ASB5: variants seen among roughly 807,000 people sequenced by gnomAD.
The protein encoded by ASB5 is ankyrin repeat and SOCS box protein 5.
A neutral mutation model predicts 42.1 loss-of-function variants in ASB5; 45 were observed. The ratio of observed to expected loss-of-function variants is 1.07; its 90% CI spans 0.84 to 1.37. The LOEUF (loss-of-function observed/expected upper bound fraction) is 1.37. Ranked by LOEUF, ASB5 falls within the 40% of genes most tolerant of loss-of-function variation. The pLI, the probability that ASB5 is intolerant of heterozygous loss-of-function variation, is 0.00. For synonymous variants in ASB5, 147 were observed against 150.6 expected (o/e 0.98, Z 0.18); for missense variants, 402 against 399.8 (o/e 1.01, Z -0.05).
intron 1 of ASB5, among the ~76,000 whole-genome samples, chr4:176,240,027 C>T (rs1753777177): frequency 6.6e-6 from 1 of 152,092 alleles, no homozygotes; most frequent in Admixed American, 6.5e-5. Flanking sequence ...AAAAGAAATG[C>T]ACAGTGAGTG....
intron 1 of ASB5, chr4:176,237,598 A>G (rs915575113): frequency 1.4e-4 from 135 of 984,204 alleles, no homozygotes; most frequent in Non-Finnish European, 1.6e-4. Flanking sequence ...AAACACTTGG[A>G]TCAGGGCTGG....
intron 1 of ASB5, among the ~76,000 whole-genome samples, chr4:176,276,272 T>C (rs577001641): frequency 6.6e-6 from 1 of 152,336 alleles, no homozygotes; most frequent in East Asian, 1.9e-4. Context: ...TACTTTGTTA[T>C]TTAAGTTAAA....
chr4:176,235,342 T>C (rs1489311289), intron 1 of ASB5, among the ~76,000 whole-genome samples: 1 of 152,188 alleles, frequency 6.6e-6, no homozygotes, highest in African/African-American at 2.4e-5. Flanking sequence ...TATTTCTAAG[T>C]ACAACCATTA....
chr4:176,265,337 T>C (rs34784242), intron 1 of ASB5, among the ~76,000 whole-genome samples: 28,038 of 152,120 alleles, frequency 0.18, 3,384 homozygotes, highest in Middle Eastern at 0.33. Flanking sequence ...TCTCTGAAAG[T>C]ACAGATTAGA....
At chr4:176,252,683 G>C (rs543110578) in intron 1 of ASB5, among the ~76,000 whole-genome samples, 1 of 152,336 alleles carries the variant, frequency 6.6e-6, no homozygotes, top group South Asian at 2.1e-4. Context: ...GACTCTGAAA[G>C]ACAGATTGCA....
chr4:176,273,306 A>C (rs1274827946), upstream of ASB5, among the ~76,000 whole-genome samples: 3 of 152,214 alleles, frequency 2.0e-5, no homozygotes, highest in African/African-American at 7.2e-5. Context: ...CAAACTAAGA[A>C]AAGTCATATA....
chr4:176,216,340 A>C (rs889954592), intron 6 of ASB5, among the ~76,000 whole-genome samples: 7 of 152,120 alleles, frequency 4.6e-5, no homozygotes, highest in East Asian at 1.9e-4. Flanking sequence ...TGAAAGAGAA[A>C]ATTAAAATTA....
chr4:176,266,079 G>A (rs938679590), intron 1 of ASB5, among the ~76,000 whole-genome samples: 1 of 152,064 alleles, frequency 6.6e-6, no homozygotes, highest in Non-Finnish European at 1.5e-5. Context: ...TTGGTCTCAA[G>A]TCTGATAGGA....
chr4:176,250,732 G>A (rs1224195786), intron 1 of ASB5, among the ~76,000 whole-genome samples: 1 of 152,146 alleles, frequency 6.6e-6, no homozygotes, highest in African/African-American at 2.4e-5. Context: ...AACGCCACGT[G>A]CGAACAAATC....
At chr4:176,245,918 G>A (rs566630175) in intron 1 of ASB5, among the ~76,000 whole-genome samples, 1 of 151,944 alleles carries the variant, frequency 6.6e-6, no homozygotes, top group South Asian at 2.1e-4. Context: ...ACTGGGGGAG[G>A]GATAACATTA....
intron 1 of ASB5, among the ~76,000 whole-genome samples, chr4:176,228,130 G>T (rs372484562): frequency 6.6e-6 from 1 of 152,216 alleles, no homozygotes; most frequent in Non-Finnish European, 1.5e-5. Flanking sequence ...TTTTAATTTA[G>T]TGGGATGAAA....
At chr4:176,258,500 C>G (rs1193983517) in intron 1 of ASB5, among the ~76,000 whole-genome samples, 1 of 152,140 alleles carries the variant, frequency 6.6e-6, no homozygotes, top group Non-Finnish European at 1.5e-5. Flanking sequence ...GACCAAGTGA[C>G]TTTGGTCTAG....
chr4:176,251,591 A>AT (rs1172707002), intron 1 of ASB5, among the ~76,000 whole-genome samples: 1 of 135,974 alleles, frequency 7.4e-6, no homozygotes, highest in Non-Finnish European at 1.6e-5. Context: ...AAAAAAAAAA[A>AT]ATTGTTTGAA....
intron 1 of ASB5, among the ~76,000 whole-genome samples, chr4:176,246,289 C>T (rs984982975): frequency 1.3e-5 from 2 of 152,072 alleles, no homozygotes; most frequent in African/African-American, 4.8e-5. Context: ...AAGAATGATG[C>T]TATTCGATGA....
intron 5 of ASB5, among the ~76,000 whole-genome samples, chr4:176,220,032 C>A (rs1753158571): frequency 6.6e-6 from 1 of 152,064 alleles, no homozygotes; most frequent in South Asian, 2.1e-4. Context: ...TGAGCTAAAA[C>A]AAACAAACAA....
intron 1 of ASB5, among the ~76,000 whole-genome samples, chr4:176,244,908 A>G (rs904280641): frequency 2.6e-5 from 4 of 152,080 alleles, no homozygotes; most frequent in African/African-American, 9.7e-5. Flanking sequence ...GGCTGCAGTG[A>G]GCTATGATTG....
chr4:176,258,386 A>G (rs949969721), intron 1 of ASB5, among the ~76,000 whole-genome samples: 2 of 152,166 alleles, frequency 1.3e-5, no homozygotes, highest in Admixed American at 6.5e-5. Flanking sequence ...TAACCTCCAT[A>G]TTCTCTTTTT....
upstream of ASB5, among the ~76,000 whole-genome samples, chr4:176,272,287 G>A (rs544692650): frequency 4.6e-5 from 7 of 152,126 alleles, no homozygotes; most frequent in South Asian, 2.1e-4. Flanking sequence ...AAGTAATTGC[G>A]GTTTTTGCAA....
chr4:176,260,891 G>T (rs1560820848), intron 1 of ASB5, among the ~76,000 whole-genome samples: 1 of 152,060 alleles, frequency 6.6e-6, no homozygotes, highest in South Asian at 2.1e-4. Flanking sequence ...TGGCCAAGAT[G>T]GTCTCAATCT....
Sources: gnomAD v4.1 joint callset for allele counts (sites outside exome capture counted in the v4.1 genomes callset) on GRCh38, gnomAD v4.1.1 for gene constraint, MANE v1.5 for transcripts, NCBI Gene and HGNC (gene_info 2026-07-23, HGNC 2026-07-21) for gene names.